The following KLF17 variants were observed in gnomAD, a reference collection of about 807,000 sequenced individuals.
The protein encoded by KLF17 is Krueppel-like factor 17.
KLF17 carries 31 observed loss-of-function variants against 34.2 expected under a neutral mutation model. That is an observed-to-expected ratio of 0.91 (90% CI 0.68 to 1.22). The LOEUF (loss-of-function observed/expected upper bound fraction) is 1.22, where lower values mean the gene tolerates loss of function less well. Among genes scored for constraint, KLF17 ranks in the 50% most tolerant of loss-of-function variants. The pLI, the probability that KLF17 is intolerant of heterozygous loss-of-function variation, is 0.00. For missense variants in KLF17, 478 were observed against 505.2 expected, an observed-to-expected ratio of 0.95 and a Z score of 0.52; for synonymous variants, 179 against 186.7, an observed-to-expected ratio of 0.96 and a Z score of 0.34.
chr1:44,100,333 AT>A, the KLF17 span, among the ~76,000 whole-genome samples: 2 of 151,942 alleles, frequency 1.3e-5, no homozygotes, highest in African/African-American at 2.4e-5. Flanking sequence ...GGTAGAAAGA[AT>A]ATGGGAATGG....
chr1:44,091,272 A>G, the KLF17 span, among the ~76,000 whole-genome samples: 1 of 152,124 alleles, frequency 6.6e-6, no homozygotes, highest in Non-Finnish European at 1.5e-5. Flanking sequence ...ATCTGTTAAT[A>G]TCTGGCTAAA....
the KLF17 span, among the ~76,000 whole-genome samples, chr1:44,098,095 G>C: frequency 1.3e-3 from 202 of 152,142 alleles, no homozygotes; most frequent in African/African-American, 4.6e-3. Flanking sequence ...TCAGCCTCCT[G>C]AGTAGATAGG....
At chr1:44,071,795 G>A in the KLF17 span, among the ~76,000 whole-genome samples, 2 of 152,146 alleles carry the variant, frequency 1.3e-5, no homozygotes, top group African/African-American at 4.8e-5. Context: ...CAAGCTCCTA[G>A]GGTGGCATTC....
At chr1:44,094,426 T>G in the KLF17 span, among the ~76,000 whole-genome samples, 1 of 152,202 alleles carries the variant, frequency 6.6e-6, no homozygotes, top group African/African-American at 2.4e-5. Flanking sequence ...GCCAGACCAG[T>G]GTCCTAGAGA....
the KLF17 span, among the ~76,000 whole-genome samples, chr1:44,082,978 A>G: frequency 1.5e-5 from 2 of 133,948 alleles, no homozygotes; most frequent in Non-Finnish European, 3.1e-5. Context: ...GTCTCACTCT[A>G]TTGCCCAGGT....
the KLF17 span, chr1:44,105,187 G>A: frequency 2.6e-5 from 4 of 152,276 alleles, no homozygotes; most frequent in Non-Finnish European, 4.4e-5. Flanking sequence ...CAAGCAAGTA[G>A]CTAACATAAA....
the KLF17 span, among the ~76,000 whole-genome samples, chr1:44,085,047 T>C: frequency 7.2e-5 from 11 of 152,046 alleles, no homozygotes; most frequent in African/African-American, 1.9e-4. Context: ...GCATTACTGT[T>C]CATTCATTCA....
chr1:44,104,174 C>A, the KLF17 span: 1 of 1,062,906 alleles, frequency 9.4e-7, no homozygotes. Context: ...AAGCTTCATC[C>A]ACATCCTTCT....
chr1:44,056,018 C>T, the KLF17 span, among the ~76,000 whole-genome samples: 2 of 152,086 alleles, frequency 1.3e-5, no homozygotes, highest in African/African-American at 2.4e-5. Flanking sequence ...AACTTTATAC[C>T]CAGACTCTCA....
the KLF17 span, among the ~76,000 whole-genome samples, chr1:44,107,406 A>C: frequency 6.6e-6 from 1 of 152,142 alleles, no homozygotes; most frequent in Admixed American, 6.5e-5. Flanking sequence ...CGCCTGGCTG[A>C]GACTGGAGTT....
chr1:44,124,465 A>G (rs1460216193), intron 1 of KLF17, among the ~76,000 whole-genome samples: 1 of 144,908 alleles, frequency 6.9e-6, no homozygotes, highest in Non-Finnish European at 1.5e-5. Flanking sequence ...AGTAGCTAGG[A>G]CTACAGGCAC....
chr1:44,119,345 AG>A (rs1019549846), intron 1 of KLF17, among the ~76,000 whole-genome samples: 5 of 150,554 alleles, frequency 3.3e-5, no homozygotes, highest in Admixed American at 1.3e-4. Flanking sequence ...CTTTCTGGTG[AG>A]GGACTTGAGT....
At chr1:44,065,299 G>T in the KLF17 span, among the ~76,000 whole-genome samples, 2 of 150,210 alleles carry the variant, frequency 1.3e-5, no homozygotes, top group African/African-American at 4.9e-5. Context: ...AAAAAAAAAA[G>T]AGAGATGTTT....
chr1:44,075,857 A>T, the KLF17 span, among the ~76,000 whole-genome samples: 1 of 152,210 alleles, frequency 6.6e-6, no homozygotes, highest in African/African-American at 2.4e-5. Context: ...ATTTTTGTTT[A>T]TGTGATCTGG....
chr1:44,091,968 C>G, the KLF17 span, among the ~76,000 whole-genome samples: 1 of 119,858 alleles, frequency 8.3e-6, no homozygotes, highest in African/African-American at 3.3e-5. Context: ...CACACTCTCT[C>G]TCTCTCTCTC....
chr1:44,073,167 A>C, the KLF17 span, among the ~76,000 whole-genome samples: 5 of 151,464 alleles, frequency 3.3e-5, no homozygotes, highest in African/African-American at 1.2e-4. Context: ...TGTGAGCTGG[A>C]GGGAAAGTTA....
At chr1:44,048,032 G>GTC in the KLF17 span, 1 of 152,440 alleles carries the variant, frequency 6.6e-6, no homozygotes, top group Admixed American at 6.6e-5. Flanking sequence ...GTGTGTGTGT[G>GTC]TGTGTGTGCA....
the KLF17 span, among the ~76,000 whole-genome samples, chr1:44,097,613 A>G: frequency 4.3e-4 from 65 of 152,164 alleles, no homozygotes; most frequent in Admixed American, 1.1e-3. Context: ...AAATTAAAAA[A>G]AAATTTGTGG....
At chr1:44,058,643 A>C in the KLF17 span, among the ~76,000 whole-genome samples, 1 of 126,466 alleles carries the variant, frequency 7.9e-6, no homozygotes, top group Non-Finnish European at 1.7e-5. Context: ...AAAACAGTCC[A>C]TTTGAAATGA....
Sources: allele counts gnomAD v4.1 joint callset (sites outside exome capture counted in the v4.1 genomes callset), GRCh38; gene constraint gnomAD v4.1.1; transcripts MANE v1.5; gene names NCBI Gene and HGNC (gene_info 2026-07-23, HGNC 2026-07-21).